The following ZNF521 variants were observed in gnomAD, a reference collection of about 807,000 sequenced individuals.
ZNF521 encodes LYST-interacting protein 3.
A neutral mutation model predicts 105.5 loss-of-function variants in ZNF521; 14 were observed. The ratio of observed to expected loss-of-function variants is 0.13; its 90% CI spans 0.09 to 0.21. The LOEUF is 0.21. Ranked by LOEUF, ZNF521 falls within the 10% of genes least tolerant of loss-of-function variation. The pLI, the probability that ZNF521 is intolerant of heterozygous loss-of-function variation, is 1.00. For missense variants in ZNF521, 1,233 were observed against 1,629.7 expected (o/e 0.76, Z 4.19); for synonymous variants, 635 against 606.0 (o/e 1.05, Z -0.70).
At chr18:25,223,684 C>A in intron 4 of ZNF521, among the ~76,000 whole-genome samples, 1 of 150,800 alleles carries the variant, frequency 6.6e-6, no homozygotes. Flanking sequence ...TACTCTGAAA[C>A]TAAGGAGAAA....
chr18:25,292,950 T>C (rs916669652), intron 3 of ZNF521, among the ~76,000 whole-genome samples: 2 of 152,184 alleles, frequency 1.3e-5, no homozygotes, highest in Admixed American at 1.3e-4. Flanking sequence ...CCTCATACTG[T>C]AGGAAGCCCC....
intron 7 of ZNF521, among the ~76,000 whole-genome samples, chr18:25,075,058 C>CGGCA (rs1599968236): frequency 6.6e-6 from 1 of 152,130 alleles, no homozygotes; most frequent in Non-Finnish European, 1.5e-5. Context: ...GAGGGCCAGG[C>CGGCA]GGCAGGCATG....
At chr18:25,250,280 T>C (rs534637922) in intron 3 of ZNF521, among the ~76,000 whole-genome samples, 1 of 152,368 alleles carries the variant, frequency 6.6e-6, no homozygotes, top group African/African-American at 2.4e-5. Flanking sequence ...TTTTAGAATC[T>C]GTTTTATATT....
intron 3 of ZNF521, among the ~76,000 whole-genome samples, chr18:25,248,880 A>C (rs1434927545): frequency 6.6e-6 from 1 of 152,252 alleles, no homozygotes; most frequent in Non-Finnish European, 1.5e-5. Context: ...TACGGCTTAT[A>C]GGCCAAATGC....
At chr18:25,172,144 G>A (rs2035460086) in intron 5 of ZNF521, among the ~76,000 whole-genome samples, 1 of 152,110 alleles carries the variant, frequency 6.6e-6, no homozygotes, top group African/African-American at 2.4e-5. Context: ...GCATAGATAT[G>A]CTAGAACATT....
intron 5 of ZNF521, among the ~76,000 whole-genome samples, chr18:25,114,688 A>C (rs912533003): frequency 6.6e-6 from 1 of 152,232 alleles, no homozygotes; most frequent in African/African-American, 2.4e-5. Flanking sequence ...CTACCACACA[A>C]ATACTCACTC....
intron 3 of ZNF521, among the ~76,000 whole-genome samples, chr18:25,233,413 G>C (rs573489674): frequency 6.6e-6 from 1 of 151,504 alleles, no homozygotes; most frequent in South Asian, 2.1e-4. Context: ...ACTTGAAAAC[G>C]AATACCCTTT....
intron 5 of ZNF521, among the ~76,000 whole-genome samples, chr18:25,181,688 C>G (rs1232380832): frequency 6.6e-6 from 1 of 152,176 alleles, no homozygotes; most frequent in Admixed American, 6.5e-5. Flanking sequence ...AAATATCTAC[C>G]TATGCATTAG....
At chr18:25,108,279 T>A (rs1002470038) in intron 5 of ZNF521, among the ~76,000 whole-genome samples, 1 of 152,212 alleles carries the variant, frequency 6.6e-6, no homozygotes, top group Non-Finnish European at 1.5e-5. Flanking sequence ...AATTGCATTT[T>A]TTCAATGACT....
At chr18:25,260,760 A>T (rs1341444827) in intron 3 of ZNF521, among the ~76,000 whole-genome samples, 1 of 152,142 alleles carries the variant, frequency 6.6e-6, no homozygotes, top group South Asian at 2.1e-4. Flanking sequence ...TTTTCTCAGC[A>T]TTATGTTATC....
intron 3 of ZNF521, among the ~76,000 whole-genome samples, chr18:25,283,950 A>G (rs1222584877): frequency 7.3e-6 from 1 of 137,756 alleles, no homozygotes; most frequent in Non-Finnish European, 1.6e-5. Flanking sequence ...ATTCATGAGC[A>G]GCAACAGCTG....
At chr18:25,143,130 G>A (rs952763524) in intron 5 of ZNF521, among the ~76,000 whole-genome samples, 1 of 152,048 alleles carries the variant, frequency 6.6e-6, no homozygotes, top group Non-Finnish European at 1.5e-5. Flanking sequence ...GTGTCAGCAT[G>A]TACTTTTTAT....
chr18:25,145,404 G>A (rs926517499), intron 5 of ZNF521, among the ~76,000 whole-genome samples: 1 of 151,920 alleles, frequency 6.6e-6, no homozygotes, highest in South Asian at 2.1e-4. Context: ...TGGTGTTATC[G>A]ATCTATAGTT....
rs1406350132 is a variant in ZNF521, at chr18:25,322,486, T to C, written c.41-299A>G. ...ACCATTTTTTTCATAGCCTTTTAGT[T>C]TTCGCTTAAAAGAGATAAATCACTT... is the stretch of plus-strand genomic sequence containing the variant. On this transcript the variant is annotated intron_variant, in intron 2 of 7. Transcript: ENST00000361524. 4.0e-5 allele frequency among the ~76,000 whole-genome samples: 6 copies of C among 150,586 alleles called. No individual in the cohort carries two copies. The Admixed American group carries it at 4.0e-4, about 10-fold the overall frequency.
At chr18:25,094,767 T>C (rs2033818504) in intron 5 of ZNF521, among the ~76,000 whole-genome samples, 1 of 152,146 alleles carries the variant, frequency 6.6e-6, no homozygotes, top group African/African-American at 2.4e-5. Flanking sequence ...TCCCTCCTTT[T>C]CTCTCACCTT....
At chr18:25,064,060 G>T (rs532626100) in intron 7 of ZNF521, among the ~76,000 whole-genome samples, 2 of 152,170 alleles carry the variant, frequency 1.3e-5, no homozygotes, top group Non-Finnish European at 2.9e-5. Context: ...TATTGAAAAC[G>T]CACATCAGCA....
At chr18:25,314,112 CTAAT>C (rs1277671456) in intron 3 of ZNF521, among the ~76,000 whole-genome samples, 1 of 151,722 alleles carries the variant, frequency 6.6e-6, no homozygotes, top group Non-Finnish European at 1.5e-5. Context: ...TGCCTTAAGC[CTAAT>C]TAATATGAAC....
At chr18:25,113,793 C>CACACACAG (rs1053377440) in intron 5 of ZNF521, among the ~76,000 whole-genome samples, 4 of 147,860 alleles carry the variant, frequency 2.7e-5, no homozygotes, top group Admixed American at 6.7e-5. Flanking sequence ...CACACACACA[C>CACACACAG]AGAGACGGGG....
chr18:25,095,510 G>A (rs569448113), intron 5 of ZNF521, among the ~76,000 whole-genome samples: 55 of 152,168 alleles, frequency 3.6e-4, no homozygotes, highest in Non-Finnish European at 6.5e-4. Context: ...TGGGATCTTC[G>A]AACGAAACTT....
Sources: allele counts gnomAD v4.1 joint callset (sites outside exome capture counted in the v4.1 genomes callset), GRCh38; gene constraint gnomAD v4.1.1; transcripts MANE v1.5; gene names NCBI Gene and HGNC (gene_info 2026-07-23, HGNC 2026-07-21).